Variants in PAGE2B observed in about 807,000 individuals in gnomAD.
PAGE2B encodes putative G antigen family E member 3.
Under a neutral mutation model 7.6 loss-of-function variants are expected in PAGE2B, and 5 were observed. The observed-to-expected ratio is 0.66, with a 90% CI of 0.34 to 1.38. The LOEUF is 1.38. Among genes scored for constraint, PAGE2B ranks in the 40% most tolerant of loss-of-function variants. The pLI is 0.04. For missense variants in PAGE2B, 70 were observed against 78.4 expected, an observed-to-expected ratio of 0.89 and a Z score of 0.41; for synonymous variants, 29 against 26.7, an observed-to-expected ratio of 1.09 and a Z score of -0.27.
At chrX:55,043,472 G>T in the PAGE2B span, among the ~76,000 whole-genome samples, 1 of 109,722 alleles carries the variant, frequency 9.1e-6, no homozygotes, top group African/African-American at 3.3e-5. Flanking sequence ...AATCTACAGG[G>T]TCCTCAAACA....
the PAGE2B span, among the ~76,000 whole-genome samples, chrX:55,041,946 A>G: frequency 8.9e-6 from 1 of 111,963 alleles, no homozygotes; most frequent in Admixed American, 9.5e-5. Context: ...CACAGCCAAC[A>G]TTATACTGAA....
At chrX:55,047,687 C>T in the PAGE2B span, among the ~76,000 whole-genome samples, 2 of 112,047 alleles carry the variant, frequency 1.8e-5, no homozygotes, top group Non-Finnish European at 3.8e-5. Context: ...AGCATTTTTT[C>T]ATGTGTCTTT....
chrX:55,041,166 C>G, the PAGE2B span, among the ~76,000 whole-genome samples: 1 of 103,118 alleles, frequency 9.7e-6, no homozygotes, highest in Non-Finnish European at 2.0e-5. Context: ...ACTGCAGTCT[C>G]CACCTCCCGG....
At chrX:55,054,157 C>T in the PAGE2B span, among the ~76,000 whole-genome samples, 4 of 109,973 alleles carry the variant, frequency 3.6e-5, no homozygotes, top group South Asian at 3.9e-4. Flanking sequence ...TGCAGTGAGC[C>T]GAAATCATGC....
the PAGE2B span, chrX:55,045,136 T>C: frequency 8.9e-6 from 1 of 112,243 alleles, no homozygotes. Context: ...ATACTTTTAA[T>C]GTATTTCCTT....
the PAGE2B span, among the ~76,000 whole-genome samples, chrX:55,028,579 A>G: frequency 9.0e-6 from 1 of 111,698 alleles, no homozygotes; most frequent in African/African-American, 3.2e-5. Flanking sequence ...GCTTTTGGCC[A>G]TGATATGCTC....
chrX:55,030,087 T>A, the PAGE2B span, among the ~76,000 whole-genome samples: 1 of 110,469 alleles, frequency 9.1e-6, no homozygotes, highest in Non-Finnish European at 1.9e-5. Flanking sequence ...CATGAAAGAA[T>A]CATACAGAAC....
chrX:55,033,974 C>T, the PAGE2B span, among the ~76,000 whole-genome samples: 4 of 112,201 alleles, frequency 3.6e-5, no homozygotes, highest in East Asian at 2.8e-4. Flanking sequence ...TGGGATTATT[C>T]GACCAAAGGA....
the PAGE2B span, among the ~76,000 whole-genome samples, chrX:55,029,541 T>C: frequency 8.9e-6 from 1 of 111,739 alleles, no homozygotes. Flanking sequence ...TACCTTTTTT[T>C]CTTGACTGAG....
chrX:55,030,919 G>A, the PAGE2B span: 1 of 341,668 alleles, frequency 2.9e-6, no homozygotes, highest in Non-Finnish European at 5.9e-6. Flanking sequence ...GAGATAGGGT[G>A]CCAGGCTGAA....
At chrX:55,032,459 T>G in the PAGE2B span, among the ~76,000 whole-genome samples, 4 of 111,201 alleles carry the variant, frequency 3.6e-5, no homozygotes. Flanking sequence ...GTGGTCTACT[T>G]TTTGCCCATT....
chrX:55,042,653 CAAAAAAAAAAAAAAAA>C, the PAGE2B span, among the ~76,000 whole-genome samples: 5 of 11,862 alleles, frequency 4.2e-4, no homozygotes, highest in Admixed American at 1.8e-3. Flanking sequence ...GACTCCGTCT[CAAAAAAAAAAAAAAAA>C]AAAAAAAAAA....
At chrX:55,056,092 C>A in the PAGE2B span, among the ~76,000 whole-genome samples, 1 of 111,415 alleles carries the variant, frequency 9.0e-6, no homozygotes, top group African/African-American at 3.3e-5. Flanking sequence ...AGTAGAGACA[C>A]CTCGATCATT....
the PAGE2B span, among the ~76,000 whole-genome samples, chrX:55,069,504 C>CT: frequency 0.077 from 8,186 of 106,244 alleles, 767 homozygotes; most frequent in African/African-American, 0.26. Context: ...AATTCTCTCT[C>CT]TTTTTTTTTT....
chrX:55,068,801 T>C, the PAGE2B span, among the ~76,000 whole-genome samples: 1 of 111,683 alleles, frequency 9.0e-6, no homozygotes, highest in Admixed American at 9.5e-5. Context: ...TTAGTAGCAA[T>C]TGTGAATGGG....
At chrX:55,054,574 G>A in the PAGE2B span, among the ~76,000 whole-genome samples, 2 of 112,285 alleles carry the variant, frequency 1.8e-5, no homozygotes, top group Non-Finnish European at 3.8e-5. Flanking sequence ...CATGAGTTTG[G>A]GAAGTAAAGC....
At chrX:55,028,946 C>G in the PAGE2B span, among the ~76,000 whole-genome samples, 1 of 111,838 alleles carries the variant, frequency 8.9e-6, no homozygotes, top group African/African-American at 3.3e-5. Context: ...TGCTGTACAT[C>G]TTATATCTGG....
the PAGE2B span, among the ~76,000 whole-genome samples, chrX:55,047,589 G>T: frequency 9.0e-6 from 1 of 111,715 alleles, no homozygotes; most frequent in African/African-American, 3.3e-5. Context: ...GTTGTTTCCT[G>T]ACTTTCTAAC....
chrX:55,064,291 T>A, the PAGE2B span, among the ~76,000 whole-genome samples: 1 of 111,609 alleles, frequency 9.0e-6, no homozygotes, highest in Admixed American at 9.5e-5. Flanking sequence ...AGAATGAATG[T>A]GTCTAGGAAT....
Sources: gnomAD v4.1 joint callset for allele counts (sites outside exome capture counted in the v4.1 genomes callset) on GRCh38, gnomAD v4.1.1 for gene constraint, MANE v1.5 for transcripts, NCBI Gene and HGNC (gene_info 2026-07-23, HGNC 2026-07-21) for gene names.